The following TYK2 variants were observed in gnomAD, a reference collection of about 807,000 sequenced individuals.
TYK2 encodes the protein non-receptor tyrosine-protein kinase TYK2.
A neutral mutation model predicts 130.9 loss-of-function variants in TYK2; 65 were observed. The observed-to-expected ratio is 0.50, with a 90% CI of 0.41 to 0.61. TYK2 has a LOEUF of 0.61. Among genes scored for constraint, TYK2 ranks in the 20% least tolerant of loss-of-function variants. The pLI is 0.00. For missense variants in TYK2, 1,378 were observed against 1,610.7 expected (o/e 0.86, Z 2.47); for synonymous variants, 647 against 658.9 (o/e 0.98, Z 0.28).
At chr19:10,378,485 T>G in intron 2 of TYK2, 59 bp from the exon 3 acceptor site, 4 of 1,423,466 alleles carry the variant, frequency 2.8e-6, no homozygotes, top group Non-Finnish European at 3.9e-6. Context: ...CTGTTAGCTC[T>G]TCAACCTTCC....
chr19:10,361,616 G>A lies in TYK2; in HGVS notation c.1960-18C>T, dbSNP rs758076266. On this transcript the variant is annotated intron_variant, in intron 13 of 24. Coordinates refer to ENST00000525621, the MANE Select transcript of TYK2 (RefSeq NM_003331.5). This position sits in a 1 kb window ranked among gnomAD's most constrained non-coding sequence, Gnocchi z 4.0. ...TAGAAGGCCTGTGGGGACCGGGCAG[G>A]TCAGGTGGCTGCAAAGCCGACCCCT... 136 of 1,549,902 alleles carry A rather than the reference G, an allele frequency of 8.8e-5. No homozygotes were observed. The highest frequency in any genetic ancestry group is 1.1e-4 in the Non-Finnish European group (123 of 1,149,130).
At chr19:10,357,446 G>C in intron 17 of TYK2, 1 of 695,166 alleles carries the variant, frequency 1.4e-6, no homozygotes, top group East Asian at 2.7e-5. Context: ...TGACCCCACT[G>C]CTGGGTGAGG....
chr19:10,357,502 C>A, intron 17 of TYK2: 1 of 707,344 alleles, frequency 1.4e-6, no homozygotes, highest in South Asian at 1.5e-5. Context: ...GGGCGTCTCC[C>A]ATCGCTGCCC....
intron 7 of TYK2, 52 bp downstream of exon 7, chr19:10,365,465 A>T: frequency 6.2e-7 from 1 of 1,608,172 alleles, no homozygotes; most frequent in South Asian, 1.1e-5. Context: ...GAACACAGAA[A>T]CCCACCCCAG....
At position 10,354,212 on chromosome 19, in the gene TYK2, A is replaced by C; in HGVS notation, c.2738T>G (p.Leu913Trp). The part of the protein sequence containing the change: ...LGEGHFGKVS[L>W]YCYDPTNDGT... ...GTCGTTGGTCGGATCGTAGCAGTAC[A>C]AGCTGACCTTGCCGAAGTGACCCTG... Residue 913 changes from leucine (L) to tryptophan (W), a missense_variant, in exon 20 of 25, where the codon TTG (leucine) becomes TGG (tryptophan). Transcript: ENST00000525621. 6.2e-7 allele frequency: 1 copy of C among 1,613,210 alleles called. No individual in the cohort carries two copies. The highest frequency in any genetic ancestry group is 8.5e-7 in the Non-Finnish European group (1 of 1,180,004).
chr19:10,358,032 C>G lies in TYK2; in HGVS notation c.2282G>C (p.Gly761Ala), dbSNP rs201335603. Residue 761 changes from glycine to alanine, a missense_variant, in exon 16 of 25, where the codon GGC (glycine) becomes GCC (alanine). Coordinates refer to ENST00000525621, the MANE Select transcript of TYK2 (RefSeq NM_003331.5). ...CCTGGAGAGGGCGCCCAGGCCCACG[C>G]CAGGATCACTCAGCTTGATGAAGGG... Reference protein sequence around the residue: ...TSPFIKLSDPGVGLGALSREE... With the variant: ...TSPFIKLSDPAVGLGALSREE... 1 of 1,613,422 alleles carries G rather than the reference C, an allele frequency of 6.2e-7. No individual in the cohort carries two copies. The highest frequency in any genetic ancestry group is 8.5e-7 in the Non-Finnish European group (1 of 1,180,024).
intron 18 of TYK2, among the ~76,000 whole-genome samples, chr19:10,355,361 C>T (rs896736857): frequency 6.6e-6 from 1 of 152,144 alleles, no homozygotes; most frequent in Non-Finnish European, 1.5e-5. Flanking sequence ...CATATTAGGC[C>T]GGGCGTGGTG....
Position 10,354,520 on chromosome 19 carries a change from G to C in TYK2, c.2707C>G (p.Leu903Val). Reference protein sequence around the residue: ...HKRYLKKIRDLGEGHFGKVSL... With the variant: ...HKRYLKKIRDVGEGHFGKVSL... ...TCAGGCCCGTCCCTCACCTCGCCCAGATCTCGGATCTTTTTCAAATAGCGC... is the reference window on the plus strand; with the variant it reads ...TCAGGCCCGTCCCTCACCTCGCCCACATCTCGGATCTTTTTCAAATAGCGC... Residue 903 changes from leucine to valine, a missense_variant, in exon 19 of 25, where the codon CTG (leucine) becomes GTG (valine). Leu to Val is a conservative substitution (Grantham distance 32). Transcript: ENST00000525621. The C allele has an allele frequency of 6.2e-7, 1 of 1,614,012 alleles. No homozygotes were observed. Among genetic ancestry groups the C allele is most frequent in the Non-Finnish European group, 8.5e-7 (1 of 1,179,992 alleles).
chr19:10,358,635 T>C (rs1366654466), intron 15 of TYK2, among the ~76,000 whole-genome samples: 1 of 152,098 alleles, frequency 6.6e-6, no homozygotes, highest in Admixed American at 6.6e-5. Flanking sequence ...TTTGTATTTT[T>C]AGTAGAGGCA....
At chr19:10,372,485 T>TATATATATATTTATATATA in intron 3 of TYK2, among the ~76,000 whole-genome samples, 1 of 39,484 alleles carries the variant, frequency 2.5e-5, no homozygotes. Flanking sequence ...TATATATATA[T>TATATATATATTTATATATA]TTTTTTTTTT....
At chr19:10,377,018 C>T (rs2042144770) in intron 3 of TYK2, among the ~76,000 whole-genome samples, 1 of 152,114 alleles carries the variant, frequency 6.6e-6, no homozygotes, top group Non-Finnish European at 1.5e-5. Flanking sequence ...CCTCTTGCCT[C>T]AGGCTCTCAA....
At chr19:10,369,813 G>A (rs1384650965) in intron 3 of TYK2, 3 of 445,186 alleles carry the variant, frequency 6.7e-6, no homozygotes, top group East Asian at 7.3e-5. Context: ...GGAGGCTGAG[G>A]TGGGCAGACC....
At chr19:10,376,220 C>T (rs562740128) in intron 3 of TYK2, among the ~76,000 whole-genome samples, 41 of 129,050 alleles carry the variant, frequency 3.2e-4, no homozygotes, top group African/African-American at 1.2e-3. Context: ...ACTACATTGG[C>T]CAGGCTGGTC....
intron 17 of TYK2, 142 bp downstream of exon 17, chr19:10,357,622 C>A (rs1482474833): frequency 1.7e-6 from 2 of 1,176,400 alleles, no homozygotes. Context: ...TGAGCCCCAG[C>A]GAGTGGCCCA....
chr19:10,376,870 G>A (rs1260882985), intron 3 of TYK2, among the ~76,000 whole-genome samples: 1 of 151,692 alleles, frequency 6.6e-6, no homozygotes, highest in African/African-American at 2.4e-5. Flanking sequence ...CCAAAGTGCT[G>A]GGATTACAGG....
At chr19:10,372,167 ATT>A (rs1292691531) in intron 3 of TYK2, among the ~76,000 whole-genome samples, 2 of 149,728 alleles carry the variant, frequency 1.3e-5, no homozygotes, top group East Asian at 2.0e-4. Context: ...ATTTTTTTGT[ATT>A]TTTTTAGTAG....
At chr19:10,360,544 TG>T (rs552195048) in intron 14 of TYK2, among the ~76,000 whole-genome samples, 10 of 150,168 alleles carry the variant, frequency 6.7e-5, no homozygotes, top group East Asian at 3.9e-4. Flanking sequence ...CAACTAGGGA[TG>T]GGGGGGATGG....
In TYK2 at chr19:10,370,908, C is replaced by T. The variant is rs554178487; in HGVS notation, c.194-2490G>A. On this transcript the variant is annotated intron_variant, in intron 3 of 24. Transcript: ENST00000525621. ...ATCCCAGCACTTTGGGAGGCTAAGG[C>T]GGGAGAATCACTTGAACCTAGGAGT... Among the ~76,000 whole-genome samples the T allele has an allele frequency of 2.6e-5, 4 of 151,378 alleles. No homozygotes were observed. The South Asian group carries it at 8.4e-4, about 32-fold the overall frequency.
intron 18 of TYK2, 31 bp from the exon 19 acceptor site, chr19:10,354,640 C>G (rs559638659): frequency 1.9e-6 from 3 of 1,573,446 alleles, no homozygotes; most frequent in Non-Finnish European, 2.6e-6. Context: ...AAAGGCCTGA[C>G]CCCGATCCTT....
Sources: allele counts gnomAD v4.1 joint callset (sites outside exome capture counted in the v4.1 genomes callset), GRCh38; gene constraint gnomAD v4.1.1; non-coding constraint Gnocchi (gnomAD v3.1); transcripts MANE v1.5; gene names NCBI Gene and HGNC (gene_info 2026-07-23, HGNC 2026-07-21).